ZC3H6: variants seen among roughly 807,000 people sequenced by gnomAD.
The protein encoded by ZC3H6 is zinc finger CCCH domain-containing protein 6.
Under a neutral mutation model 107.7 loss-of-function variants are expected in ZC3H6, and 40 were observed. That is an observed-to-expected ratio of 0.37 (90% CI 0.29 to 0.48). The LOEUF (loss-of-function observed/expected upper bound fraction) is 0.48, where lower values mean the gene tolerates loss of function less well. Among genes scored for constraint, ZC3H6 ranks in the 20% least tolerant of loss-of-function variants. ZC3H6 has a pLI of 0.98. For missense variants in ZC3H6, 1,267 were observed against 1,410.4 expected (o/e 0.90, Z 1.63); for synonymous variants, 493 against 487.9 (o/e 1.01, Z -0.14).
chr2:112,310,261 C>A, intron 4 of ZC3H6, 100 bp downstream of exon 4: 1 of 1,189,258 alleles, frequency 8.4e-7, no homozygotes, highest in Non-Finnish European at 1.2e-6. Flanking sequence ...TCAAGATTAG[C>A]TTATTCTTGT....
chr2:112,316,049 A>T (rs1676689556), intron 5 of ZC3H6, among the ~76,000 whole-genome samples: 1 of 152,190 alleles, frequency 6.6e-6, no homozygotes, highest in South Asian at 2.1e-4. Context: ...TTATATGACT[A>T]GATCTTTGTG....
chr2:112,295,477 A>C (rs371951158), intron 1 of ZC3H6, among the ~76,000 whole-genome samples: 2 of 152,134 alleles, frequency 1.3e-5, no homozygotes, highest in East Asian at 1.9e-4. Context: ...CTGATACATT[A>C]CTAGGTGTTC....
intron 1 of ZC3H6, among the ~76,000 whole-genome samples, chr2:112,291,474 TC>T (rs1380471874): frequency 6.6e-6 from 1 of 152,218 alleles, no homozygotes; most frequent in Non-Finnish European, 1.5e-5. Context: ...CCTCAGGTAA[TC>T]CGTCCGCCTC....
chr2:112,296,926 A>C (rs901103918), intron 1 of ZC3H6, among the ~76,000 whole-genome samples: 1 of 152,196 alleles, frequency 6.6e-6, no homozygotes, highest in Non-Finnish European at 1.5e-5. Context: ...CATCTCACCT[A>C]AATCTGGGTA....
At chr2:112,291,258 G>C (rs1676108698) in intron 1 of ZC3H6, among the ~76,000 whole-genome samples, 1 of 151,840 alleles carries the variant, frequency 6.6e-6, no homozygotes, top group South Asian at 2.1e-4. Context: ...TTTTGGAACA[G>C]AGTCTCACTC....
Position 112,309,892 on chromosome 2 carries a change from A to G in ZC3H6, c.344A>G (p.His115Arg). The G allele has an allele frequency of 6.3e-7, 1 of 1,577,594 alleles. No homozygotes were observed. Among genetic ancestry groups the G allele is most frequent in the Non-Finnish European group, 8.6e-7 (1 of 1,160,728 alleles). The change falls in exon 4 of 12, where the codon CAT (histidine) becomes CGT (arginine). Residue 115 changes from histidine (H) to arginine (R), a missense_variant. By Grantham distance (29) the His-to-Arg change is conservative. This residue lies in a region of ZC3H6 where 337 missense variants were observed against 361.2 expected (regional missense o/e 0.93). Coordinates refer to ENST00000409871, the MANE Select transcript of ZC3H6 (RefSeq NM_198581.3). ...DYDIPFTQRG[H>R]ISGSYITSKK... The stretch of plus-strand genomic sequence containing the variant: ...TTGTCCATTTTCACTTAGCGTGGAC[A>G]TATATCAGGAAGCTACATAACATCA...
intron 3 of ZC3H6, among the ~76,000 whole-genome samples, chr2:112,308,736 T>C (rs951714585): frequency 7.5e-5 from 11 of 146,994 alleles, no homozygotes; most frequent in African/African-American, 2.5e-4. Flanking sequence ...CCGGCCAGAG[T>C]AGTATTTTAA....
At chr2:112,312,082 C>T (rs1676605676) in intron 5 of ZC3H6, 145 bp downstream of exon 5, 8 of 762,318 alleles carry the variant, frequency 1.0e-5, no homozygotes, top group Non-Finnish European at 1.5e-5. Flanking sequence ...CAATAACCTC[C>T]AAAAAATAGT....
intron 1 of ZC3H6, among the ~76,000 whole-genome samples, chr2:112,281,178 GGGT>G (rs1257311073): frequency 3.9e-5 from 6 of 152,162 alleles, no homozygotes; most frequent in Non-Finnish European, 8.8e-5. Flanking sequence ...GATGTGGGGA[GGGT>G]GTTTAGGGAA....
chr2:112,306,196 G>A (rs561742430), intron 3 of ZC3H6, among the ~76,000 whole-genome samples: 5 of 130,424 alleles, frequency 3.8e-5, no homozygotes, highest in Admixed American at 1.7e-4. Context: ...TTTTTGAGAC[G>A]GAGTCTCACT....
intron 1 of ZC3H6, among the ~76,000 whole-genome samples, chr2:112,291,372 T>C (rs1192713297): frequency 6.6e-6 from 1 of 152,200 alleles, no homozygotes. Context: ...TAGCTGGGAT[T>C]ATAGGCATGT....
chr2:112,323,196 A>C (rs1234601804), intron 9 of ZC3H6, among the ~76,000 whole-genome samples: 2 of 152,172 alleles, frequency 1.3e-5, no homozygotes, highest in African/African-American at 2.4e-5. Flanking sequence ...ATGAGGCTGC[A>C]TTGTCATTGA....
At chr2:112,279,479 C>G (rs947686676) in intron 1 of ZC3H6, among the ~76,000 whole-genome samples, 7 of 152,158 alleles carry the variant, frequency 4.6e-5, no homozygotes, top group African/African-American at 1.7e-4. Flanking sequence ...TTGTGAGTCT[C>G]AAAGAGTCTT....
chr2:112,323,720 G>A (rs1417854235), intron 9 of ZC3H6, among the ~76,000 whole-genome samples: 1 of 152,136 alleles, frequency 6.6e-6, no homozygotes, highest in Admixed American at 6.6e-5. Context: ...AAAACTGAAT[G>A]TCTTTTTATA....
chr2:112,286,646 C>G (rs1191097048), intron 1 of ZC3H6, among the ~76,000 whole-genome samples: 4 of 152,226 alleles, frequency 2.6e-5, no homozygotes, highest in Non-Finnish European at 5.9e-5. Flanking sequence ...CCATGTTGCC[C>G]AGGCTAGTCT....
chr2:112,276,165 A>C, intron 1 of ZC3H6, 139 bp downstream of exon 1: 1 of 617,678 alleles, frequency 1.6e-6, no homozygotes, highest in Non-Finnish European at 2.5e-6. Flanking sequence ...GCGCACTCTT[A>C]TGTAAACTGC....
chr2:112,309,648 A>C (rs973502837), intron 3 of ZC3H6, among the ~76,000 whole-genome samples: 2 of 152,238 alleles, frequency 1.3e-5, no homozygotes, highest in African/African-American at 4.8e-5. Flanking sequence ...GACATAGAAC[A>C]TAGAAAGCAA....
At chr2:112,327,434 T>C (rs967593544) in intron 11 of ZC3H6, among the ~76,000 whole-genome samples, 7 of 152,198 alleles carry the variant, frequency 4.6e-5, no homozygotes, top group Non-Finnish European at 1.0e-4. Flanking sequence ...CCTTCTCAGA[T>C]AGGTAGTTTG....
rs1456293222 is a variant in ZC3H6, at chr2:112,337,322, T to A, written c.*4834T>A. ...CCATTCTTTTTTTTTTTTTTTAATT[T>A]GTTGTTGTTTTTGTTTGAGACAGAG... On this transcript the variant is annotated 3_prime_UTR_variant, in exon 12 of 12. Coordinates refer to ENST00000409871, the MANE Select transcript of ZC3H6 (RefSeq NM_198581.3). 10 of 151,920 alleles carry A rather than the reference T, an allele frequency of 6.6e-5. No homozygotes were observed. The highest frequency in any genetic ancestry group is 2.2e-4 in the African/African-American group (9 of 41,368). The allele number at this position is 151,920 out of a possible 1,614,324, so 9.4% of individuals were successfully genotyped here.
Sources: gnomAD v4.1 joint callset for allele counts (sites outside exome capture counted in the v4.1 genomes callset) on GRCh38, gnomAD v4.1.1 for gene constraint, gnomAD v4.1.1 regional missense constraint, MANE v1.5 for transcripts, NCBI Gene and HGNC (gene_info 2026-07-23, HGNC 2026-07-21) for gene names.